VAT1L: variants seen among roughly 807,000 people sequenced by gnomAD.
The protein encoded by VAT1L is putative NADPH-dependent quinone oxidoreductase VAT1L.
VAT1L carries 34 observed loss-of-function variants against 44.1 expected under a neutral mutation model. That is an observed-to-expected ratio of 0.77 (90% CI 0.59 to 1.03). VAT1L has a LOEUF of 1.03. VAT1L is among the 50% of genes least tolerant of loss of function. The pLI is 0.00. For synonymous variants in VAT1L, 253 were observed against 202.2 expected (o/e 1.25, Z -2.13); for missense variants, 615 against 538.8 (o/e 1.14, Z -1.40).
chr16:77,838,348 G>T (rs373431171), intron 3 of VAT1L, among the ~76,000 whole-genome samples: 7 of 152,116 alleles, frequency 4.6e-5, no homozygotes, highest in Non-Finnish European at 2.9e-5. Context: ...AAGCAGCCTC[G>T]TTGCCTTTGA....
chr16:77,860,735 A>G (rs1446712643), intron 3 of VAT1L, among the ~76,000 whole-genome samples: 1 of 152,234 alleles, frequency 6.6e-6, no homozygotes, highest in East Asian at 1.9e-4. Context: ...TATAAAATCT[A>G]GAAGGCAGGA....
intron 3 of VAT1L, among the ~76,000 whole-genome samples, chr16:77,833,463 T>C (rs1452545866): frequency 3.3e-5 from 5 of 152,124 alleles, no homozygotes; most frequent in Non-Finnish European, 7.4e-5. Context: ...TCATGAAAAG[T>C]GGTAGTGGGC....
chr16:77,830,647 C>A (rs1473181938), intron 3 of VAT1L, among the ~76,000 whole-genome samples: 1 of 152,206 alleles, frequency 6.6e-6, no homozygotes, highest in Admixed American at 6.5e-5. Context: ...GATTAGGAGG[C>A]CTCCCAGCCA....
At position 77,811,010 on chromosome 16, in the gene VAT1L, G is replaced by C. The variant is rs140323987; in HGVS notation, c.234-5911G>C. 3.2e-3 allele frequency among the ~76,000 whole-genome samples: 495 copies of C among 152,314 alleles called. 3 individuals carry two copies. Among genetic ancestry groups the C allele is most frequent in the African/African-American group, 0.011 (464 of 41,576 alleles). On this transcript the variant is annotated intron_variant, in intron 1 of 8. Coordinates refer to ENST00000302536, the MANE Select transcript of VAT1L (RefSeq NM_020927.3). ...CTTAATTGAACTAATGACAGAACAAGACTTGGGATTTCTATTGAGTATAAT... is the reference window on the plus strand; with the variant it reads ...CTTAATTGAACTAATGACAGAACAACACTTGGGATTTCTATTGAGTATAAT...
intron 3 of VAT1L, among the ~76,000 whole-genome samples, chr16:77,835,217 A>C (rs2016626281): frequency 1.3e-5 from 2 of 152,220 alleles, no homozygotes; most frequent in Admixed American, 1.3e-4. Flanking sequence ...TGCTGAACTA[A>C]GGAGAGCCCT....
chr16:77,843,128 G>T (rs1354748504), intron 3 of VAT1L, among the ~76,000 whole-genome samples: 1 of 152,212 alleles, frequency 6.6e-6, no homozygotes, highest in Admixed American at 6.5e-5. Context: ...CACAAAGATA[G>T]GTCAGGAAAT....
chr16:77,841,739 G>C (rs992601461), intron 3 of VAT1L, among the ~76,000 whole-genome samples: 1 of 152,112 alleles, frequency 6.6e-6, no homozygotes, highest in Non-Finnish European at 1.5e-5. Context: ...GGAGATGATC[G>C]TCCTGAGCTC....
intron 7 of VAT1L, among the ~76,000 whole-genome samples, chr16:77,911,974 G>C (rs1328123922): frequency 1.3e-5 from 2 of 152,202 alleles, no homozygotes; most frequent in African/African-American, 4.8e-5. Flanking sequence ...TTAGACATAT[G>C]ACACATGGGC....
At chr16:77,802,170 C>G (rs917481638) in intron 1 of VAT1L, among the ~76,000 whole-genome samples, 4 of 152,242 alleles carry the variant, frequency 2.6e-5, no homozygotes, top group Non-Finnish European at 4.4e-5. Context: ...GACTCCACAA[C>G]TTCCTTTTGC....
chr16:77,851,197 T>G (rs1333792560), intron 3 of VAT1L, among the ~76,000 whole-genome samples: 1 of 152,316 alleles, frequency 6.6e-6, no homozygotes, highest in African/African-American at 2.4e-5. Flanking sequence ...AAAACTGTGG[T>G]AGGGTAGAGC....
chr16:77,917,525 AAGCAC>A (rs769060779), intron 7 of VAT1L, among the ~76,000 whole-genome samples: 53 of 152,196 alleles, frequency 3.5e-4, no homozygotes, highest in Non-Finnish European at 6.6e-4. Flanking sequence ...GCAATTAAGA[AAGCAC>A]TTTTTCATTC....
chr16:77,833,246 G>A (rs146101221), intron 3 of VAT1L, among the ~76,000 whole-genome samples: 29 of 152,298 alleles, frequency 1.9e-4, no homozygotes, highest in African/African-American at 6.5e-4. Flanking sequence ...ATTGATGGGC[G>A]TATAAATCAA....
rs773233545 is a variant in VAT1L, at chr16:77,817,011, G to C, written c.324G>C (p.Gly108=). ...TGGTGCCAGGATTTGAGTGTTCTGG[G>C]ATTGTTGAAGCTCTGGGGGACAGCG... ...TPLVPGFECS[G]IVEALGDSVK... is the part of the protein sequence containing the mutation. The change falls in exon 2 of 9, where the codon GGG becomes GGC. Residue 108 remains glycine (G), a synonymous_variant. Coordinates refer to ENST00000302536, the MANE Select transcript of VAT1L (RefSeq NM_020927.3). The C allele has an allele frequency of 2.5e-6, 4 of 1,614,046 alleles. No individual in the cohort carries two copies. In the East Asian group the frequency reaches 6.7e-5, roughly 27 times the overall value.
intron 1 of VAT1L, among the ~76,000 whole-genome samples, chr16:77,798,593 A>C (rs1203970280): frequency 6.6e-6 from 1 of 152,190 alleles, no homozygotes; most frequent in East Asian, 1.9e-4. Flanking sequence ...GGGAGGAGGT[A>C]CAAAGAAATA....
In VAT1L at chr16:77,955,814, C is replaced by T. The variant is rs1597120125; in HGVS notation, c.1078-16036C>T. Among the ~76,000 whole-genome samples, 5 of 150,962 alleles carry T rather than the reference C, an allele frequency of 3.3e-5. 1 individual carries two copies. The highest frequency in any genetic ancestry group is 2.6e-4 in the Admixed American group (4 of 15,112). ...ATATAGAAGTACAAAGGAAATAAAC[C>T]ATTCCTGGTCCTGCAATACAATACC... On this transcript the variant is annotated intron_variant, in intron 7 of 8. Transcript: ENST00000302536.
intron 7 of VAT1L, among the ~76,000 whole-genome samples, chr16:77,963,151 A>G (rs1365682472): frequency 2.6e-5 from 4 of 152,182 alleles, no homozygotes; most frequent in Non-Finnish European, 5.9e-5. Context: ...ACCTGGGCCG[A>G]GCAGAATAAT....
intron 3 of VAT1L, among the ~76,000 whole-genome samples, chr16:77,831,329 AAG>A (rs1461817147): frequency 6.6e-6 from 1 of 152,226 alleles, no homozygotes; most frequent in Non-Finnish European, 1.5e-5. Context: ...GCAGAGAAGA[AAG>A]AGAGCAGAAG....
chr16:77,901,614 G>C (rs1261477444), intron 7 of VAT1L, among the ~76,000 whole-genome samples: 1 of 152,082 alleles, frequency 6.6e-6, no homozygotes, highest in Non-Finnish European at 1.5e-5. Flanking sequence ...TTTCTCTTTA[G>C]GCACAATGTG....
intron 1 of VAT1L, among the ~76,000 whole-genome samples, chr16:77,806,966 AC>A (rs1173857847): frequency 6.6e-6 from 1 of 152,144 alleles, no homozygotes; most frequent in Non-Finnish European, 1.5e-5. Context: ...CCTAAGGGAT[AC>A]TTTCTGTGAG....
Sources: gnomAD v4.1 joint callset for allele counts (sites outside exome capture counted in the v4.1 genomes callset) on GRCh38, gnomAD v4.1.1 for gene constraint, MANE v1.5 for transcripts, NCBI Gene and HGNC (gene_info 2026-07-23, HGNC 2026-07-21) for gene names.